Variants in LMBRD1 observed in about 807,000 individuals in gnomAD.
LMBRD1 encodes lysosomal cobalamin transport escort protein LMBD1.
In LMBRD1, 64 loss-of-function variants were observed where a neutral mutation model predicts 74.8. The ratio of observed to expected loss-of-function variants is 0.86; its 90% CI spans 0.70 to 1.05. LMBRD1 has a LOEUF of 1.05. Among genes scored for constraint, LMBRD1 ranks in the 50% least tolerant of loss-of-function variants. LMBRD1 has a pLI of 0.00. For missense variants in LMBRD1, 652 were observed against 645.9 expected, an observed-to-expected ratio of 1.01 and a Z score of -0.10; for synonymous variants, 204 against 216.3, an observed-to-expected ratio of 0.94 and a Z score of 0.50.
intron 7 of LMBRD1, among the ~76,000 whole-genome samples, chr6:69,731,359 T>C (rs1328931981): frequency 1.3e-5 from 2 of 152,190 alleles, no homozygotes; most frequent in Non-Finnish European, 1.5e-5. Context: ...GTGATGGATA[T>C]TCCAATTACC....
intron 9 of LMBRD1, among the ~76,000 whole-genome samples, chr6:69,706,967 C>T (rs1766273006): frequency 6.6e-6 from 1 of 152,172 alleles, no homozygotes; most frequent in South Asian, 2.1e-4. Context: ...TGCTCGAGGT[C>T]TCACAGGCCC....
rs1166243814 is a variant in LMBRD1, at chr6:69,755,291, G to A, written c.308-2935C>T. 2.0e-5 allele frequency among the ~76,000 whole-genome samples: 3 copies of A among 152,316 alleles called. No homozygotes were observed. In the East Asian group the frequency reaches 5.8e-4, roughly 29 times the overall value. ...TCATGTCCTTTGCAGGGACGTGGAT[G>A]AAGCTGGAAGCCATCATTCTCAGCA... On this transcript the variant is annotated intron_variant, in intron 3 of 15. Coordinates refer to ENST00000649934, the MANE Select transcript of LMBRD1 (RefSeq NM_018368.4).
intron 8 of LMBRD1, 86 bp from the exon 9 acceptor site, chr6:69,713,883 C>T (rs1766437090): frequency 8.2e-6 from 12 of 1,471,152 alleles, no homozygotes; most frequent in Middle Eastern, 2.3e-4. Context: ...GCAACAAAAC[C>T]TTTTCAGGAT....
chr6:69,679,073 A>AAC (rs1315406771), intron 14 of LMBRD1, among the ~76,000 whole-genome samples: 3 of 151,396 alleles, frequency 2.0e-5, no homozygotes, highest in Non-Finnish European at 4.4e-5. Context: ...CAAACAAACA[A>AAC]AAAAAATCAC....
intron 13 of LMBRD1, among the ~76,000 whole-genome samples, chr6:69,698,308 T>TGAAGGAA (rs1285035951): frequency 6.6e-6 from 1 of 151,908 alleles, no homozygotes; most frequent in Non-Finnish European, 1.5e-5. Context: ...AAAGAAAGAA[T>TGAAGGAA]GAAGGAAGAA....
chr6:69,702,128 G>A (rs1250920709), intron 9 of LMBRD1, among the ~76,000 whole-genome samples, 175 bp from the exon 10 acceptor site: 2 of 151,850 alleles, frequency 1.3e-5, no homozygotes, highest in Non-Finnish European at 2.9e-5. Context: ...TTTTCATTAT[G>A]AGACTATTTG....
intron 4 of LMBRD1, among the ~76,000 whole-genome samples, chr6:69,749,863 CATAT>C (rs1765083526): frequency 6.9e-6 from 1 of 144,360 alleles, no homozygotes; most frequent in Non-Finnish European, 1.5e-5. Context: ...CTCATATATA[CATAT>C]ATAAGTATAT....
chr6:69,680,123 A>G (rs1765630574), intron 14 of LMBRD1, among the ~76,000 whole-genome samples: 1 of 152,160 alleles, frequency 6.6e-6, no homozygotes, highest in Non-Finnish European at 1.5e-5. Context: ...ACTGCTAAAT[A>G]TACCTTTAAA....
intron 3 of LMBRD1, among the ~76,000 whole-genome samples, chr6:69,776,017 T>G (rs1296407737): frequency 6.6e-6 from 1 of 152,250 alleles, no homozygotes; most frequent in Non-Finnish European, 1.5e-5. Context: ...AGCATCTCAA[T>G]ATATACTTTT....
chr6:69,761,269 C>T (rs1019994428), intron 3 of LMBRD1, among the ~76,000 whole-genome samples: 1 of 151,914 alleles, frequency 6.6e-6, no homozygotes, highest in Non-Finnish European at 1.5e-5. Context: ...GGTTATTTCC[C>T]CTTCTCAATG....
intron 3 of LMBRD1, among the ~76,000 whole-genome samples, chr6:69,762,148 A>G (rs1201973504): frequency 2.0e-5 from 3 of 152,190 alleles, no homozygotes; most frequent in South Asian, 4.1e-4. Context: ...CGCATACTGC[A>G]TTTTATTTAA....
intron 9 of LMBRD1, among the ~76,000 whole-genome samples, chr6:69,703,457 AAAAAAAAAAAAAATTT>A (rs1037253753): frequency 8.1e-6 from 1 of 124,008 alleles, no homozygotes; most frequent in African/African-American, 2.7e-5. Flanking sequence ...CATTTTGGCA[AAAAAAAAAAAAAATTT>A]AAAATTAAAA....
chr6:69,780,579 A>G lies in LMBRD1; in HGVS notation c.247-25T>C, dbSNP rs751439542. 1.3e-5 allele frequency: 21 copies of G among 1,563,222 alleles called. No homozygotes were observed. The South Asian group carries it at 2.1e-4, about 16-fold the overall frequency. ...CCTAGGATAAAAGGAAACAATAGAA[A>G]TATTAATGAAACACCCATTTGCCTA... On this transcript the variant is annotated intron_variant, in intron 2 of 15. Coordinates refer to ENST00000649934, the MANE Select transcript of LMBRD1 (RefSeq NM_018368.4).
intron 2 of LMBRD1, among the ~76,000 whole-genome samples, chr6:69,782,608 G>A (rs1431210447): frequency 6.6e-6 from 1 of 151,970 alleles, no homozygotes; most frequent in African/African-American, 2.4e-5. Flanking sequence ...TTTAACTTGG[G>A]AGGCAGAGGT....
At chr6:69,702,763 C>T (rs1766161918) in intron 9 of LMBRD1, among the ~76,000 whole-genome samples, 1 of 152,140 alleles carries the variant, frequency 6.6e-6, no homozygotes, top group African/African-American at 2.4e-5. Context: ...AAAGAAGAGT[C>T]CCAGTAAGCA....
At chr6:69,786,961 T>C (rs1199786669) in intron 2 of LMBRD1, among the ~76,000 whole-genome samples, 1 of 152,238 alleles carries the variant, frequency 6.6e-6, no homozygotes, top group South Asian at 2.1e-4. Flanking sequence ...AGAATGTATA[T>C]ATTCATTTAG....
chr6:69,709,535 G>C lies in LMBRD1; in HGVS notation c.915+4110C>G, dbSNP rs146065659. ...GAAATGACACATTTACTAACAAAAA[G>C]AATAACTGTACTGGAGGTTTCAGCC... On this transcript the variant is annotated intron_variant, in intron 9 of 15. Transcript: ENST00000649934. 4.8e-3 allele frequency among the ~76,000 whole-genome samples: 730 copies of C among 152,168 alleles called. 8 individuals carry two copies. The highest frequency in any genetic ancestry group is 0.017 in the Middle Eastern group (5 of 294).
At chr6:69,717,691 TTTTG>T (rs371475212) in intron 8 of LMBRD1, among the ~76,000 whole-genome samples, 14 of 152,248 alleles carry the variant, frequency 9.2e-5, no homozygotes, top group African/African-American at 2.2e-4. Flanking sequence ...AATTGCTACT[TTTTG>T]TTTGTTTGTT....
chr6:69,774,433 T>C (rs528284482), intron 3 of LMBRD1, among the ~76,000 whole-genome samples: 1 of 152,300 alleles, frequency 6.6e-6, no homozygotes, highest in African/African-American at 2.4e-5. Context: ...TGAACAAAAA[T>C]AGCCTCAAAT....
Sources: allele counts gnomAD v4.1 joint callset (sites outside exome capture counted in the v4.1 genomes callset), GRCh38; gene constraint gnomAD v4.1.1; transcripts MANE v1.5; gene names NCBI Gene and HGNC (gene_info 2026-07-23, HGNC 2026-07-21).